HM13: variants seen among roughly 807,000 people sequenced by gnomAD.
The protein encoded by HM13 is signal peptide peptidase.
HM13 carries 18 observed loss-of-function variants against 50.0 expected under a neutral mutation model. The ratio of observed to expected loss-of-function variants is 0.36; its 90% CI spans 0.25 to 0.53. The LOEUF (loss-of-function observed/expected upper bound fraction) is 0.53. HM13 is among the 20% of genes least tolerant of loss of function. The pLI is 0.90. For synonymous variants in HM13, 197 were observed against 232.6 expected (o/e 0.85, Z 1.39); for missense variants, 393 against 552.4 (o/e 0.71, Z 2.89).
chr20:31,545,230 C>G (rs1600647337), intron 4 of HM13, among the ~76,000 whole-genome samples, 195 bp downstream of exon 4: 1 of 152,248 alleles, frequency 6.6e-6, no homozygotes, highest in Middle Eastern at 3.4e-3. Flanking sequence ...CCTCTCTGAG[C>G]ATTGGGTGTT....
chr20:31,529,465 G>C (rs1375139781), intron 2 of HM13, among the ~76,000 whole-genome samples: 1 of 151,574 alleles, frequency 6.6e-6, no homozygotes, highest in Non-Finnish European at 1.5e-5. Context: ...GGCTGGTCTC[G>C]AACTCCTGGG....
At chr20:31,515,823 C>T (rs1981741162) in intron 1 of HM13, among the ~76,000 whole-genome samples, 1 of 152,210 alleles carries the variant, frequency 6.6e-6, no homozygotes, top group Admixed American at 6.5e-5. Context: ...TCCACAACCT[C>T]TTAATCTGCA....
At position 31,568,164 on chromosome 20, in the gene HM13, A is replaced by T; in HGVS notation, c.1121A>T (p.Asp374Val). The T allele has an allele frequency of 6.2e-7, 1 of 1,612,892 alleles. No homozygotes were observed. The highest frequency in any genetic ancestry group is 2.2e-5 in the East Asian group (1 of 44,858). Residue 374 changes from aspartate (D) to valine (V), a missense_variant, in exon 12 of 13, where the codon GAC (aspartate) becomes GTC (valine). Around this residue, in one of 3 missense-constraint regions of HM13, gnomAD observed 105 missense variants for 115.9 expected, o/e 0.91. Coordinates refer to ENST00000398174, the MANE Select transcript of HM13 (RefSeq NM_178581.3). ...TVSGSPASLA[D>V]SMQQKLAGPR... ...TCGGGCTCCCCAGCCAGCCTGGCCG[A>T]CTCCATGCAGCAGAAGCTAGCTGGC...
At chr20:31,521,484 G>T (rs149589482) in intron 1 of HM13, among the ~76,000 whole-genome samples, 2 of 152,078 alleles carry the variant, frequency 1.3e-5, no homozygotes, top group African/African-American at 4.8e-5. Flanking sequence ...CCAGCACTTC[G>T]GGAGGCCAAG....
At chr20:31,542,656 G>C (rs553568643) in intron 3 of HM13, among the ~76,000 whole-genome samples, 1 of 152,290 alleles carries the variant, frequency 6.6e-6, no homozygotes, top group East Asian at 1.9e-4. Context: ...GCTCGCGCTA[G>C]CCAGGTTGCT....
chr20:31,558,160 TTTTTC>T (rs1488072608), intron 8 of HM13, among the ~76,000 whole-genome samples: 1 of 152,160 alleles, frequency 6.6e-6, no homozygotes, highest in Admixed American at 6.5e-5. Context: ...TGTCTCTTTC[TTTTTC>T]TTTTTTCTTT....
chr20:31,554,036 C>T (rs539805842), intron 7 of HM13, among the ~76,000 whole-genome samples: 49 of 152,190 alleles, frequency 3.2e-4, no homozygotes, highest in Non-Finnish European at 5.1e-4. Flanking sequence ...TGAGTTATAG[C>T]TCAGTAAAGG....
At chr20:31,542,218 G>A (rs992764757) in intron 3 of HM13, among the ~76,000 whole-genome samples, 9 of 152,242 alleles carry the variant, frequency 5.9e-5, no homozygotes, top group Non-Finnish European at 1.0e-4. Context: ...GGCAGGGGCC[G>A]CAGCCTGCCT....
intron 10 of HM13, 85 bp from the exon 11 acceptor site, chr20:31,566,125 G>C: frequency 1.0e-6 from 1 of 987,512 alleles, no homozygotes; most frequent in South Asian, 1.4e-5. Flanking sequence ...CTTCAGTCCA[G>C]CCCAGAAGGG....
chr20:31,550,373 G>C (rs6059933), intron 7 of HM13: 165 of 508,234 alleles, frequency 3.2e-4, no homozygotes, highest in African/African-American at 2.9e-3. Context: ...CGAGCATGGA[G>C]GGGAAGTGTT....
intron 12 of HM13, 135 bp downstream of exon 12, chr20:31,568,359 A>C: frequency 1.6e-6 from 2 of 1,247,060 alleles, no homozygotes; most frequent in Non-Finnish European, 2.2e-6. Flanking sequence ...CTCCTCCACA[A>C]CCACCAGGCA....
chr20:31,551,632 G>A (rs146966448), intron 7 of HM13, among the ~76,000 whole-genome samples: 12 of 152,342 alleles, frequency 7.9e-5, no homozygotes, highest in African/African-American at 1.9e-4. Context: ...AACAGAATCC[G>A]TCAGGCATGC....
intron 11 of HM13, 134 bp downstream of exon 11, chr20:31,566,429 T>C (rs753759869): frequency 8.6e-5 from 63 of 730,996 alleles, no homozygotes; most frequent in Non-Finnish European, 1.4e-4. Flanking sequence ...CCCTTGCCTT[T>C]TTCAGCAGTA....
At chr20:31,549,709 G>A (rs968787861) in intron 6 of HM13, among the ~76,000 whole-genome samples, 1 of 152,224 alleles carries the variant, frequency 6.6e-6, no homozygotes, top group African/African-American at 2.4e-5. Context: ...AGGCATCACA[G>A]AGGGACTGAC....
intron 1 of HM13, among the ~76,000 whole-genome samples, chr20:31,518,057 T>C (rs941252389): frequency 2.7e-5 from 4 of 150,638 alleles, no homozygotes; most frequent in African/African-American, 9.8e-5. Context: ...TTTTTTGAGA[T>C]GGAGTTTCAC....
chr20:31,514,459 G>A lies in HM13; in HGVS notation c.-93G>A. 3 of 1,404,248 alleles carry A rather than the reference G, an allele frequency of 2.1e-6. No homozygotes were observed. The highest frequency in any genetic ancestry group is 2.9e-6 in the Non-Finnish European group (3 of 1,030,294). 87.0% of individuals were successfully genotyped at this position (1,404,248 alleles called of 1,614,324 possible). A position where few individuals can be genotyped will look rare whatever the true frequency, so the allele number is the denominator to read the frequency against. ...AGCACGTCACTTCCTGTTGCCTTAGGGGAACGTGGCTTTCCCTGCAGAGCC... is the reference window on the plus strand; with the variant it reads ...AGCACGTCACTTCCTGTTGCCTTAGAGGAACGTGGCTTTCCCTGCAGAGCC... On this transcript the variant is annotated 5_prime_UTR_variant, in exon 1 of 13. Transcript: ENST00000398174. The surrounding 1 kb of genome is among the most constrained non-coding windows in gnomAD (Gnocchi z 4.3).
At chr20:31,542,161 A>T (rs1226325100) in intron 3 of HM13, among the ~76,000 whole-genome samples, 1 of 152,250 alleles carries the variant, frequency 6.6e-6, no homozygotes, top group South Asian at 2.1e-4. Context: ...TTCCTAGCCC[A>T]CATTAAGCCT....
intron 3 of HM13, among the ~76,000 whole-genome samples, chr20:31,544,196 G>T (rs572163334): frequency 2.2e-4 from 34 of 152,352 alleles, no homozygotes; most frequent in South Asian, 1.2e-3. Flanking sequence ...GGCCACCCAG[G>T]CATGTAGCCA....
intron 8 of HM13, among the ~76,000 whole-genome samples, chr20:31,555,540 AAG>A (rs368647272): frequency 4.7e-4 from 72 of 152,262 alleles, no homozygotes; most frequent in African/African-American, 1.7e-3. Flanking sequence ...GAAAGAGACT[AAG>A]GGCAAAGCTG....
Sources: gnomAD v4.1 joint callset for allele counts (sites outside exome capture counted in the v4.1 genomes callset) on GRCh38, gnomAD v4.1.1 for gene constraint, gnomAD v4.1.1 regional missense constraint, Gnocchi (gnomAD v3.1) non-coding constraint, MANE v1.5 for transcripts, NCBI Gene and HGNC (gene_info 2026-07-23, HGNC 2026-07-21) for gene names.